The following TUSC3 variants were observed in gnomAD, a reference collection of about 807,000 sequenced individuals.
TUSC3 encodes the protein tumor suppressor candidate 3, also known as dolichyl-diphosphooligosaccharide--protein glycosyltransferase subunit TUSC3.
Under a neutral mutation model 44.8 loss-of-function variants are expected in TUSC3, and 45 were observed. The ratio of observed to expected loss-of-function variants is 1.00; its 90% confidence interval spans 0.79 to 1.29. The LOEUF (loss-of-function observed/expected upper bound fraction) is 1.29. TUSC3 is among the 50% of genes most tolerant of loss of function. The pLI is 0.00. For synonymous variants in TUSC3, 212 were observed against 152.9 expected (o/e 1.39, Z -2.85); for missense variants, 519 against 437.9 (o/e 1.19, Z -1.65).
At chr8:15,463,950 A>T (rs1163441737) in intron 1 of TUSC3, among the ~76,000 whole-genome samples, 1 of 152,208 alleles carries the variant, frequency 6.6e-6, no homozygotes, top group South Asian at 2.1e-4. Flanking sequence ...TTTCTTTAGC[A>T]GCATTCCTTG....
intron 2 of TUSC3, among the ~76,000 whole-genome samples, chr8:15,516,406 C>T (rs757343995): frequency 2.0e-5 from 3 of 152,064 alleles, no homozygotes; most frequent in African/African-American, 4.8e-5. Context: ...TACTTCAGGG[C>T]GTTATTCAAT....
chr8:15,453,648 TTA>T (rs1800220971), intron 1 of TUSC3, among the ~76,000 whole-genome samples: 1 of 152,202 alleles, frequency 6.6e-6, no homozygotes, highest in African/African-American at 2.4e-5. Flanking sequence ...CAAACACAAC[TTA>T]AATATATTTA....
At chr8:15,636,253 A>G (rs2129169888) in intron 2 of TUSC3, among the ~76,000 whole-genome samples, 1 of 152,236 alleles carries the variant, frequency 6.6e-6, no homozygotes, top group East Asian at 1.9e-4. Context: ...GCATTTAGGG[A>G]ACCTCTGTGA....
At chr8:15,743,967 G>A (rs1407471456) in intron 8 of TUSC3, among the ~76,000 whole-genome samples, 2 of 152,164 alleles carry the variant, frequency 1.3e-5, no homozygotes, top group Non-Finnish European at 2.9e-5. Context: ...TTATTGGCAT[G>A]TAACATATTC....
At chr8:15,447,830 C>T (rs1031111917) in intron 1 of TUSC3, among the ~76,000 whole-genome samples, 1 of 150,516 alleles carries the variant, frequency 6.6e-6, no homozygotes, top group African/African-American at 2.4e-5. Flanking sequence ...TGATACCATG[C>T]GAGAACCCAT....
chr8:15,474,237 G>GT (rs1384589618), intron 1 of TUSC3, among the ~76,000 whole-genome samples: 2 of 152,042 alleles, frequency 1.3e-5, no homozygotes, highest in Non-Finnish European at 2.9e-5. Flanking sequence ...CTGTTATTCT[G>GT]TTCTTTTTCA....
At chr8:15,428,350 T>G (rs1412094640) in intron 1 of TUSC3, among the ~76,000 whole-genome samples, 1 of 152,058 alleles carries the variant, frequency 6.6e-6, no homozygotes, top group Non-Finnish European at 1.5e-5. Flanking sequence ...GTGCCACATT[T>G]TCTTAATCCA....
chr8:15,432,219 C>G (rs10106790), intron 1 of TUSC3, among the ~76,000 whole-genome samples: 1 of 151,928 alleles, frequency 6.6e-6, no homozygotes, highest in Non-Finnish European at 1.5e-5. Flanking sequence ...TAGAATTCAC[C>G]AGGAAGCCAT....
chr8:15,697,845 A>T (rs1207152047), intron 6 of TUSC3, among the ~76,000 whole-genome samples: 3 of 152,230 alleles, frequency 2.0e-5, no homozygotes, highest in Admixed American at 1.3e-4. Context: ...GCTATATACA[A>T]TGCAAAGATT....
chr8:15,594,092 T>C (rs1047922916), intron 1 of TUSC3, among the ~76,000 whole-genome samples: 14 of 152,242 alleles, frequency 9.2e-5, no homozygotes, highest in African/African-American at 3.4e-4. Flanking sequence ...TGTATATTAC[T>C]GTAATTACAC....
chr8:15,583,180 G>T (rs761639861), intron 1 of TUSC3, among the ~76,000 whole-genome samples: 2 of 152,142 alleles, frequency 1.3e-5, no homozygotes, highest in African/African-American at 2.4e-5. Flanking sequence ...ATTTTATGTC[G>T]TCAAAATGAA....
chr8:15,543,032 T>G (rs899406319), intron 1 of TUSC3, among the ~76,000 whole-genome samples: 5 of 152,216 alleles, frequency 3.3e-5, no homozygotes, highest in African/African-American at 1.2e-4. Context: ...TCACAAACTG[T>G]GATCTCTTCC....
At chr8:15,632,858 C>T (rs1388909118) in intron 2 of TUSC3, among the ~76,000 whole-genome samples, 1 of 152,168 alleles carries the variant, frequency 6.6e-6, no homozygotes, top group Non-Finnish European at 1.5e-5. Context: ...GAACCAACTC[C>T]TATATCATAG....
rs10683971 is a variant in TUSC3 at position 15,762,904 on chromosome 8, T to TTCA, written c.*47-1297_*47-1296insATC. On this transcript the variant is annotated intron_variant, in intron 10 of 10. Coordinates refer to ENST00000503731, the MANE Select transcript of TUSC3 (RefSeq NM_006765.4). ...GCCCTGACAAGGTTTACTGCTGACA[T>TTCA]TCTTCATGGAGATGGTCACCCTTAT... 3.7e-5 allele frequency among the ~76,000 whole-genome samples: 5 copies of TTCA among 135,432 alleles called. 2 individuals are homozygous for TTCA. In the South Asian group the frequency reaches 1.3e-3, roughly 36 times the overall value. The allele number at this position is 135,432 out of a possible 152,430, so 88.8% of individuals were successfully genotyped here. A position where few individuals can be genotyped will look rare whatever the true frequency, so the allele number is the denominator to read the frequency against.
chr8:15,558,040 T>C (rs1802327286), intron 1 of TUSC3, among the ~76,000 whole-genome samples: 1 of 56,076 alleles, frequency 1.8e-5, no homozygotes, highest in African/African-American at 6.2e-5. Flanking sequence ...TCCAACACTA[T>C]GTTGAATAGG....
intron 8 of TUSC3, 81 bp from the exon 9 acceptor site, chr8:15,748,294 T>G: frequency 9.6e-7 from 1 of 1,037,702 alleles, no homozygotes; most frequent in Non-Finnish European, 1.5e-6. Flanking sequence ...ATACTGTAAT[T>G]GAATGCATTT....
intron 1 of TUSC3, among the ~76,000 whole-genome samples, chr8:15,567,879 G>T (rs1802733679): frequency 6.6e-6 from 1 of 152,162 alleles, no homozygotes; most frequent in Admixed American, 6.5e-5. Flanking sequence ...TGAATGCCAT[G>T]TTTGCATTTG....
At chr8:15,418,086 C>T (rs1348036752) in intron 1 of TUSC3, among the ~76,000 whole-genome samples, 1 of 152,180 alleles carries the variant, frequency 6.6e-6, no homozygotes, top group Non-Finnish European at 1.5e-5. Context: ...GAGAAAACTA[C>T]TATTTTATGT....
the TUSC3 span, among the ~76,000 whole-genome samples, chr8:15,801,182 T>C: frequency 6.6e-6 from 1 of 152,224 alleles, no homozygotes; most frequent in African/African-American, 2.4e-5. Flanking sequence ...CTTGATTATA[T>C]GCTAAACAAG....
Sources: gnomAD v4.1 joint callset for allele counts (sites outside exome capture counted in the v4.1 genomes callset) on GRCh38, gnomAD v4.1.1 for gene constraint, MANE v1.5 for transcripts, NCBI Gene and HGNC (gene_info 2026-07-23, HGNC 2026-07-21) for gene names.